FGF12: variants seen among roughly 807,000 people sequenced by gnomAD.
FGF12 encodes the protein fibroblast growth factor 12.
A neutral mutation model predicts 23.6 loss-of-function variants in FGF12; 14 were observed. That is an observed-to-expected ratio of 0.59 (90% CI 0.39 to 0.93). The LOEUF is 0.93. Among genes scored for constraint, FGF12 ranks in the 40% least tolerant of loss-of-function variants. The pLI, the probability that FGF12 is intolerant of heterozygous loss-of-function variation, is 0.00. For synonymous variants in FGF12, 62 were observed against 77.3 expected (o/e 0.80, Z 1.04); for missense variants, 175 against 217.8 (o/e 0.80, Z 1.24).
chr3:192,240,069 T>G (rs1432317833), intron 4 of FGF12, among the ~76,000 whole-genome samples: 1 of 152,220 alleles, frequency 6.6e-6, no homozygotes, highest in Non-Finnish European at 1.5e-5. Flanking sequence ...AAAGTTGTCT[T>G]ATACATTTTT....
chr3:192,330,541 T>TA (rs779153755), intron 4 of FGF12, among the ~76,000 whole-genome samples: 26 of 152,204 alleles, frequency 1.7e-4, no homozygotes, highest in Admixed American at 4.6e-4. Context: ...ACTGGACCCT[T>TA]ACCTTACACC....
chr3:192,679,418 C>A (rs555884224), intron 2 of FGF12, among the ~76,000 whole-genome samples: 2 of 152,124 alleles, frequency 1.3e-5, no homozygotes, highest in African/African-American at 4.8e-5. Flanking sequence ...GACAAGATGG[C>A]AAAAGCCCAT....
At chr3:192,507,828 G>A (rs138876166) in intron 2 of FGF12, among the ~76,000 whole-genome samples, 119 of 152,262 alleles carry the variant, frequency 7.8e-4, no homozygotes, top group Non-Finnish European at 1.3e-3. Flanking sequence ...CATAATGGTG[G>A]AATTAGTTGG....
intron 2 of FGF12, among the ~76,000 whole-genome samples, chr3:192,484,797 C>T (rs1723583086): frequency 6.6e-6 from 1 of 152,116 alleles, no homozygotes; most frequent in African/African-American, 2.4e-5. Flanking sequence ...TCCAGAAAGC[C>T]ATGTGAATGG....
chr3:192,203,518 G>A (rs1717484673), intron 4 of FGF12, among the ~76,000 whole-genome samples: 1 of 149,998 alleles, frequency 6.7e-6, no homozygotes, highest in Admixed American at 6.6e-5. Context: ...TAGCTTAGGT[G>A]TCTCTAATAA....
At chr3:192,429,844 C>T (rs890310442) in intron 2 of FGF12, among the ~76,000 whole-genome samples, 6 of 151,900 alleles carry the variant, frequency 3.9e-5, no homozygotes, top group African/African-American at 1.5e-4. Flanking sequence ...CAAGGAAAAA[C>T]AATAAGGTAA....
intron 2 of FGF12, among the ~76,000 whole-genome samples, chr3:192,482,930 C>A (rs1476072527): frequency 6.6e-6 from 1 of 152,114 alleles, no homozygotes. Context: ...TGATTCATTT[C>A]CTTGTTCGAG....
chr3:192,248,052 G>A (rs1711746857), intron 4 of FGF12, among the ~76,000 whole-genome samples: 1 of 152,112 alleles, frequency 6.6e-6, no homozygotes, highest in Non-Finnish European at 1.5e-5. Flanking sequence ...AAATGGTTCA[G>A]CAAATTTTAT....
At chr3:192,721,243 A>G (rs1560205559) in intron 2 of FGF12, among the ~76,000 whole-genome samples, 1 of 152,240 alleles carries the variant, frequency 6.6e-6, no homozygotes, top group Non-Finnish European at 1.5e-5. Flanking sequence ...TGAAAGTCAG[A>G]TTATAATTCT....
intron 2 of FGF12, among the ~76,000 whole-genome samples, chr3:192,621,856 A>G (rs1714988977): frequency 6.6e-6 from 1 of 152,044 alleles, no homozygotes; most frequent in East Asian, 1.9e-4. Context: ...ATACAACGCA[A>G]GTTCTTTGGG....
At chr3:192,653,021 T>C (rs527246913) in intron 2 of FGF12, among the ~76,000 whole-genome samples, 1 of 152,332 alleles carries the variant, frequency 6.6e-6, no homozygotes, top group East Asian at 1.9e-4. Context: ...TGGAATAAAC[T>C]TCTGTTGTGA....
chr3:192,257,499 A>G (rs903036180), intron 4 of FGF12, among the ~76,000 whole-genome samples: 1 of 152,120 alleles, frequency 6.6e-6, no homozygotes, highest in African/African-American at 2.4e-5. Context: ...ACCCATCATT[A>G]TCTTGGGATT....
At chr3:192,694,557 A>C (rs1204499780) in intron 2 of FGF12, among the ~76,000 whole-genome samples, 2 of 152,180 alleles carry the variant, frequency 1.3e-5, no homozygotes, top group East Asian at 3.9e-4. Flanking sequence ...GTGTGTGTAC[A>C]TATATACACA....
At chr3:192,603,816 G>A (rs750857058) in intron 2 of FGF12, among the ~76,000 whole-genome samples, 5 of 152,156 alleles carry the variant, frequency 3.3e-5, no homozygotes, top group South Asian at 2.1e-4. Context: ...AGTGGTGCAC[G>A]TATTGTCTTG....
intron 4 of FGF12, among the ~76,000 whole-genome samples, chr3:192,318,652 T>A (rs1287438642): frequency 6.6e-6 from 1 of 151,502 alleles, no homozygotes; most frequent in Non-Finnish European, 1.5e-5. Context: ...GAGAGAGAGA[T>A]CAGAGTAGAA....
rs146978011 is a variant in FGF12, at chr3:192,623,377, G to A, written c.13+103804C>T. Among the ~76,000 whole-genome samples, 256 of 152,256 alleles carry A rather than the reference G, an allele frequency of 1.7e-3. 1 individual carries two copies. Among genetic ancestry groups the A allele is most frequent in the African/African-American group, 6.0e-3 (250 of 41,540 alleles). On this transcript the variant is annotated intron_variant, in intron 2 of 5. Transcript: ENST00000445105. ...ATTACAATGTTTGCTAAAATTACAC[G>A]TTTTGATGCTTGGTATCTGAATGCC... is the stretch of plus-strand genomic sequence containing the variant.
At chr3:192,499,296 A>T (rs1724049684) in intron 2 of FGF12, among the ~76,000 whole-genome samples, 1 of 151,744 alleles carries the variant, frequency 6.6e-6, no homozygotes, top group South Asian at 2.1e-4. Flanking sequence ...TTGAGTGACC[A>T]AAATAACTAG....
rs116773859 is a variant in FGF12 at position 192,174,217 on chromosome 3, G to A, written c.229-3561C>T. 8.0e-3 allele frequency among the ~76,000 whole-genome samples: 1,211 copies of A among 152,272 alleles called. 17 individuals carry two copies. The highest frequency in any genetic ancestry group is 0.028 in the African/African-American group (1,146 of 41,546). ...AATAAATAACGATTCTTAGGTTTCT[G>A]TTTCATACTCATTTAAAATTCCCTC... On this transcript the variant is annotated intron_variant, in intron 4 of 5. Coordinates refer to ENST00000445105, the MANE Select transcript of FGF12 (RefSeq NM_004113.6).
chr3:192,273,969 T>C (rs1307300796), intron 4 of FGF12, among the ~76,000 whole-genome samples: 1 of 151,792 alleles, frequency 6.6e-6, no homozygotes, highest in Non-Finnish European at 1.5e-5. Flanking sequence ...TCGTAATGAC[T>C]GATCACCATC....
Sources: allele counts gnomAD v4.1 joint callset (sites outside exome capture counted in the v4.1 genomes callset), GRCh38; gene constraint gnomAD v4.1.1; transcripts MANE v1.5; gene names NCBI Gene and HGNC (gene_info 2026-07-23, HGNC 2026-07-21).